GALNT17: variants seen among roughly 807,000 people sequenced by gnomAD.
The protein encoded by GALNT17 is UDP-GalNAc:polypeptide N-acetylgalactosaminyltransferase-like 3.
GALNT17 carries 29 observed loss-of-function variants against 63.7 expected under a neutral mutation model. The observed-to-expected ratio is 0.46, with a 90% CI of 0.34 to 0.62. GALNT17 has a LOEUF of 0.62. GALNT17 is among the 20% of genes least tolerant of loss of function. The pLI, the probability that GALNT17 is intolerant of heterozygous loss-of-function variation, is 0.01. For missense variants in GALNT17, 603 were observed against 799.6 expected, an observed-to-expected ratio of 0.75 and a Z score of 2.97; for synonymous variants, 305 against 318.3, an observed-to-expected ratio of 0.96 and a Z score of 0.45.
At chr7:71,710,489 C>A (rs931583284) in intron 9 of GALNT17, among the ~76,000 whole-genome samples, 2 of 152,154 alleles carry the variant, frequency 1.3e-5, no homozygotes, top group African/African-American at 4.8e-5. Flanking sequence ...GACAGGACAA[C>A]AGAGTGAGAC....
intron 1 of GALNT17, among the ~76,000 whole-genome samples, chr7:71,271,522 C>T (rs1790588451): frequency 6.6e-6 from 1 of 152,128 alleles, no homozygotes; most frequent in Non-Finnish European, 1.5e-5. Context: ...AATCTGAGCT[C>T]ACGGAAATGA....
At chr7:71,466,372 CA>C (rs1352885216) in intron 5 of GALNT17, among the ~76,000 whole-genome samples, 1 of 152,074 alleles carries the variant, frequency 6.6e-6, no homozygotes, top group Non-Finnish European at 1.5e-5. Context: ...ATAAGACTGA[CA>C]AAACAGACTC....
chr7:71,686,235 G>A (rs772426074), intron 9 of GALNT17, among the ~76,000 whole-genome samples: 39 of 152,196 alleles, frequency 2.6e-4, no homozygotes, highest in African/African-American at 8.2e-4. Flanking sequence ...AATTACAGGC[G>A]TAAGCCACGG....
At chr7:71,583,000 T>TA (rs957445238) in intron 6 of GALNT17, among the ~76,000 whole-genome samples, 11 of 152,276 alleles carry the variant, frequency 7.2e-5, no homozygotes, top group African/African-American at 2.6e-4. Flanking sequence ...AGTAGGATTT[T>TA]AAAAAATTGA....
chr7:71,572,530 A>AAC (rs71089960), intron 6 of GALNT17, among the ~76,000 whole-genome samples: 1 of 149,684 alleles, frequency 6.7e-6, no homozygotes. Context: ...AAAAAAAAAA[A>AAC]CTACATGTTT....
At chr7:71,606,691 T>C (rs1199920813) in intron 6 of GALNT17, among the ~76,000 whole-genome samples, 1 of 152,120 alleles carries the variant, frequency 6.6e-6, no homozygotes, top group Non-Finnish European at 1.5e-5. Context: ...AGGAGGTCCT[T>C]GGTTTCGTTG....
chr7:71,230,287 G>A (rs1433784328), intron 1 of GALNT17, among the ~76,000 whole-genome samples: 5 of 152,058 alleles, frequency 3.3e-5, no homozygotes, highest in African/African-American at 1.2e-4. Flanking sequence ...AGATTGAATA[G>A]GGGTTTATTT....
chr7:71,297,866 C>T lies in GALNT17; in HGVS notation c.239-37684C>T, dbSNP rs148746510. Among the ~76,000 whole-genome samples, 749 of 152,210 alleles carry T rather than the reference C, an allele frequency of 4.9e-3. 11 individuals are homozygous for T. The highest frequency in any genetic ancestry group is 0.017 in the African/African-American group (704 of 41,524). ...ACCTACTGCATGATTCCACTTATGT[C>T]AAGTTCTGGAACAGGCAAACATCAT... On this transcript the variant is annotated intron_variant, in intron 1 of 10. Transcript: ENST00000333538.
intron 10 of GALNT17, 70 bp from the exon 11 acceptor site, chr7:71,711,948 T>C: frequency 6.6e-7 from 1 of 1,526,424 alleles, no homozygotes; most frequent in South Asian, 1.2e-5. Context: ...CTTTCTCCTC[T>C]CTCTATATCT....
Position 71,473,450 on chromosome 7 carries a change from T to C in GALNT17, c.962+52345T>C, listed in dbSNP as rs1202486996. 2.0e-5 allele frequency among the ~76,000 whole-genome samples: 3 copies of C among 152,124 alleles called. No individual in the cohort carries two copies. The East Asian group carries it at 5.8e-4, about 29-fold the overall frequency. Reference sequence around the variant, plus strand: ...TAAGTCAAAGCAATATATTTTGGGGTAAAACATTTGGATTTCCTTCAGGGT... The same window carrying C: ...TAAGTCAAAGCAATATATTTTGGGGCAAAACATTTGGATTTCCTTCAGGGT... On this transcript the variant is annotated intron_variant, in intron 5 of 10. Coordinates refer to ENST00000333538, the MANE Select transcript of GALNT17 (RefSeq NM_022479.3).
intron 6 of GALNT17, among the ~76,000 whole-genome samples, chr7:71,592,101 G>T (rs559290949): frequency 6.6e-6 from 1 of 152,324 alleles, no homozygotes; most frequent in African/African-American, 2.4e-5. Context: ...CAGGGCCAGG[G>T]AACTGGGCAG....
chr7:71,420,665 G>A (rs1317061678), intron 4 of GALNT17, among the ~76,000 whole-genome samples: 2 of 152,178 alleles, frequency 1.3e-5, no homozygotes, highest in South Asian at 2.1e-4. Flanking sequence ...GGCCAGAGCA[G>A]GCATCACTCT....
chr7:71,539,334 A>G (rs1788849936), intron 5 of GALNT17, among the ~76,000 whole-genome samples: 1 of 152,166 alleles, frequency 6.6e-6, no homozygotes. Context: ...CTTTTGAATG[A>G]TAAAAATAGA....
Position 71,323,277 on chromosome 7 carries a change from G to A in GALNT17, c.239-12273G>A, listed in dbSNP as rs529144693. On this transcript the variant is annotated intron_variant, in intron 1 of 10. Transcript: ENST00000333538. Reference sequence around the variant, plus strand: ...AACCAGGAATGCAGTGTACCACAAGGTGGTGGACTCTTTGTCCCTGGGAGA... The same window carrying A: ...AACCAGGAATGCAGTGTACCACAAGATGGTGGACTCTTTGTCCCTGGGAGA... 6.6e-4 allele frequency among the ~76,000 whole-genome samples: 100 copies of A among 152,254 alleles called. 1 individual carries two copies. The highest frequency in any genetic ancestry group is 2.2e-3 in the African/African-American group (93 of 41,566).
chr7:71,651,913 C>A lies in GALNT17; in HGVS notation c.1081-13498C>A, dbSNP rs370105865. On this transcript the variant is annotated intron_variant, in intron 6 of 10. Transcript: ENST00000333538. ...GTTTTCTTATAGATGGTTGTCCAGG[C>A]TGGTCTTGAACTCCTGGCCTCAAGC... Among the ~76,000 whole-genome samples, 11 of 152,086 alleles carry A rather than the reference C, an allele frequency of 7.2e-5. No individual in the cohort carries two copies. The East Asian group carries it at 1.8e-3, about 24-fold the overall frequency.
chr7:71,635,484 C>T (rs1269190122), intron 6 of GALNT17, among the ~76,000 whole-genome samples: 1 of 152,054 alleles, frequency 6.6e-6, no homozygotes, highest in East Asian at 1.9e-4. Flanking sequence ...GGTTGAGGGG[C>T]CTTAGAATTT....
intron 5 of GALNT17, among the ~76,000 whole-genome samples, chr7:71,460,956 G>T (rs1213892862): frequency 6.6e-6 from 1 of 152,094 alleles, no homozygotes; most frequent in Non-Finnish European, 1.5e-5. Context: ...CCTGTATCTT[G>T]TGCCAACCTC....
intron 2 of GALNT17, among the ~76,000 whole-genome samples, chr7:71,383,012 C>T (rs1792874980): frequency 6.6e-6 from 1 of 152,124 alleles, no homozygotes; most frequent in South Asian, 2.1e-4. Context: ...TTCCCATTCC[C>T]CCTTCCCTGT....
At position 71,132,430 on chromosome 7, in the gene GALNT17, C is replaced by A. The variant is rs1415709762; in HGVS notation, c.-373C>A. 6.0e-5 allele frequency: 10 copies of A among 165,446 alleles called. No homozygotes were observed. Among genetic ancestry groups the A allele is most frequent in the South Asian group, 2.0e-4 (1 of 5,098 alleles). The allele number at this position is 165,446 out of a possible 1,614,324, so 10.2% of individuals were successfully genotyped here. On this transcript the variant is annotated 5_prime_UTR_variant, in exon 1 of 11. Coordinates refer to ENST00000333538, the MANE Select transcript of GALNT17 (RefSeq NM_022479.3). ...GTGCCTCCCGGGCAGCCCCGCCTGC[C>A]GGCCTCGGAGTCCGCGGCGCCGGCG... is the stretch of plus-strand genomic sequence containing the variant.
Sources: allele counts gnomAD v4.1 joint callset (sites outside exome capture counted in the v4.1 genomes callset), GRCh38; gene constraint gnomAD v4.1.1; transcripts MANE v1.5; gene names NCBI Gene and HGNC (gene_info 2026-07-23, HGNC 2026-07-21).